The following NEGR1 variants were observed in gnomAD, a reference collection of about 807,000 sequenced individuals.
NEGR1 encodes the protein IgLON family member 4.
Under a neutral mutation model 40.9 loss-of-function variants are expected in NEGR1, and 10 were observed. That is an observed-to-expected ratio of 0.24 (90% CI 0.15 to 0.42). NEGR1 has a LOEUF of 0.42. Ranked by LOEUF, NEGR1 falls within the 10% of genes least tolerant of loss-of-function variation. NEGR1 has a pLI of 1.00. For synonymous variants in NEGR1, 185 were observed against 166.8 expected, an observed-to-expected ratio of 1.11 and a Z score of -0.84; for missense variants, 352 against 438.9, an observed-to-expected ratio of 0.80 and a Z score of 1.77.
chr1:71,620,603 A>G (rs1019447299), intron 4 of NEGR1, among the ~76,000 whole-genome samples: 1 of 152,028 alleles, frequency 6.6e-6, no homozygotes, highest in Non-Finnish European at 1.5e-5. Flanking sequence ...TGAAGCAAAT[A>G]TGTCTTCGCC....
intron 6 of NEGR1, among the ~76,000 whole-genome samples, chr1:71,460,946 C>A (rs895856920): frequency 4.6e-5 from 7 of 151,812 alleles, no homozygotes; most frequent in Non-Finnish European, 1.0e-4. Context: ...AAAAAAAAAA[C>A]TTATCCCACA....
chr1:71,818,940 T>C (rs1012963700), intron 2 of NEGR1, among the ~76,000 whole-genome samples: 1 of 152,010 alleles, frequency 6.6e-6, no homozygotes, highest in Non-Finnish European at 1.5e-5. Context: ...TCACATTATA[T>C]TTCTATTGTA....
In NEGR1 at chr1:71,593,078, C is replaced by T. The variant is rs1217324004; in HGVS notation, c.789-110G>A. On this transcript the variant is annotated intron_variant, in intron 5 of 6. Transcript: ENST00000357731. ...CCCATAGACAATTCAACTACGCTGA[C>T]GTTAGCATATAACGTGATAATGGTG... 67 of 649,678 alleles carry T rather than the reference C, an allele frequency of 1.0e-4. 1 individual carries two copies. The Admixed American group carries it at 1.6e-3, about 15-fold the overall frequency. The allele number at this position is 649,678 out of a possible 1,614,324, so 40.2% of individuals were successfully genotyped here.
At chr1:71,879,438 T>C (rs1176575496) in intron 2 of NEGR1, among the ~76,000 whole-genome samples, 2 of 152,182 alleles carry the variant, frequency 1.3e-5, no homozygotes, top group African/African-American at 2.4e-5. Context: ...CATGCCAGCA[T>C]AGTGGCTCAA....
chr1:71,867,016 G>T lies in NEGR1; in HGVS notation c.409+68063C>A, dbSNP rs116813911. Among the ~76,000 whole-genome samples the T allele has an allele frequency of 3.4e-3, 518 of 152,228 alleles. 3 individuals are homozygous for T. Among genetic ancestry groups the T allele is most frequent in the African/African-American group, 0.012 (494 of 41,562 alleles). On this transcript the variant is annotated intron_variant, in intron 2 of 6. Transcript: ENST00000357731. ...GGCATAAAGATTATCATATAAGTAC[G>T]AATATTATTGTGCCTTTGAAAGGGA...
At position 71,515,782 on chromosome 1, in the gene NEGR1, A is replaced by T. The variant is rs1219279778; in HGVS notation, c.940+77035T>A. Among the ~76,000 whole-genome samples the T allele has an allele frequency of 1.5e-5, 2 of 134,184 alleles. 1 individual carries two copies. The highest frequency in any genetic ancestry group is 5.1e-4 in the South Asian group (2 of 3,898). 88.0% of individuals were successfully genotyped at this position (134,184 alleles called of 152,430 possible). A position where few individuals can be genotyped will look rare whatever the true frequency, so the allele number is the denominator to read the frequency against. On this transcript the variant is annotated intron_variant, in intron 6 of 6. Coordinates refer to ENST00000357731, the MANE Select transcript of NEGR1 (RefSeq NM_173808.3). ...CCAATTAAAAGACACAGACTGGCAA[A>T]TTGGATAAAGAGTCAAGACCCATCA...
intron 2 of NEGR1, among the ~76,000 whole-genome samples, chr1:71,895,046 T>C (rs1660930682): frequency 6.6e-6 from 1 of 152,212 alleles, no homozygotes; most frequent in Non-Finnish European, 1.5e-5. Context: ...CGCATGATTC[T>C]ATTGTTAACT....
At chr1:71,833,979 T>C (rs1658927422) in intron 2 of NEGR1, among the ~76,000 whole-genome samples, 1 of 152,142 alleles carries the variant, frequency 6.6e-6, no homozygotes, top group Admixed American at 6.5e-5. Context: ...AATTGCATAA[T>C]AGTGCCAAGC....
At chr1:71,700,144 A>C (rs1162487883) in intron 3 of NEGR1, among the ~76,000 whole-genome samples, 2 of 152,054 alleles carry the variant, frequency 1.3e-5, no homozygotes. Flanking sequence ...GTCATAAATA[A>C]AAATATTTAC....
At chr1:71,997,687 T>C (rs1379461402) in intron 1 of NEGR1, among the ~76,000 whole-genome samples, 1 of 151,974 alleles carries the variant, frequency 6.6e-6, no homozygotes, top group South Asian at 2.1e-4. Context: ...TTGGATGTTT[T>C]CTTTCTGAAA....
chr1:71,761,336 TA>T, intron 3 of NEGR1, among the ~76,000 whole-genome samples: 1 of 151,852 alleles, frequency 6.6e-6, no homozygotes, highest in Non-Finnish European at 1.5e-5. Context: ...AATCTTTACT[TA>T]CAAAAAAGAC....
intron 2 of NEGR1, among the ~76,000 whole-genome samples, chr1:71,870,667 T>C (rs1355258707): frequency 1.3e-5 from 2 of 152,230 alleles, no homozygotes. Context: ...TTATTCATTC[T>C]GTTACACTGT....
chr1:71,609,188 T>TA (rs199671945), intron 5 of NEGR1, among the ~76,000 whole-genome samples: 2,454 of 151,914 alleles, frequency 0.016, 86 homozygotes, highest in Admixed American at 0.067. Flanking sequence ...ATAAAATAGC[T>TA]AAAAAAAATT....
At chr1:72,119,227 A>G (rs539346455) in intron 1 of NEGR1, among the ~76,000 whole-genome samples, 1 of 152,090 alleles carries the variant, frequency 6.6e-6, no homozygotes, top group East Asian at 1.9e-4. Context: ...GAGCATTAAT[A>G]TATAAATTCA....
intron 6 of NEGR1, among the ~76,000 whole-genome samples, chr1:71,579,897 C>A (rs148642674): frequency 2.8e-4 from 42 of 152,204 alleles, no homozygotes; most frequent in Non-Finnish European, 4.9e-4. Context: ...AATGATATTG[C>A]TTAAAATCTA....
intron 6 of NEGR1, among the ~76,000 whole-genome samples, chr1:71,424,462 A>C (rs1277419787): frequency 6.6e-6 from 1 of 152,338 alleles, no homozygotes; most frequent in East Asian, 1.9e-4. Flanking sequence ...TCCTCCCCAG[A>C]CATTCCCATC....
At position 72,238,035 on chromosome 1, in the gene NEGR1, T is replaced by C. The variant is rs937966616; in HGVS notation, c.176+44284A>G. On this transcript the variant is annotated intron_variant, in intron 1 of 6. Transcript: ENST00000357731. The stretch of plus-strand genomic sequence containing the variant: ...CACCTTGAAAACCATATTTCATTTC[T>C]TGTCTTACTACATAAGTTTTTATGT... Among the ~76,000 whole-genome samples the C allele has an allele frequency of 3.3e-5, 5 of 151,966 alleles. No individual in the cohort carries two copies. The South Asian group carries it at 1.0e-3, about 31-fold the overall frequency.
intron 1 of NEGR1, among the ~76,000 whole-genome samples, chr1:72,032,571 T>G (rs1297488914): frequency 6.6e-6 from 1 of 152,160 alleles, no homozygotes; most frequent in Admixed American, 6.6e-5. Context: ...TTGAGTTTCA[T>G]CAGTTTCCTT....
chr1:71,717,712 A>C (rs1654324423), intron 3 of NEGR1, among the ~76,000 whole-genome samples: 1 of 152,188 alleles, frequency 6.6e-6, no homozygotes, highest in Non-Finnish European at 1.5e-5. Context: ...TAAAGTCCTA[A>C]AGCCCAGTAC....
Sources: allele counts gnomAD v4.1 joint callset (sites outside exome capture counted in the v4.1 genomes callset), GRCh38; gene constraint gnomAD v4.1.1; transcripts MANE v1.5; gene names NCBI Gene and HGNC (gene_info 2026-07-23, HGNC 2026-07-21).